LYN: variants seen among roughly 807,000 people sequenced by gnomAD.
LYN encodes the protein LYN proto-oncogene, Src family tyrosine kinase.
In LYN, 12 loss-of-function variants were observed where a neutral mutation model predicts 65.0. That is an observed-to-expected ratio of 0.18 (90% CI 0.12 to 0.30). LYN has a LOEUF of 0.30. LYN is among the 10% of genes least tolerant of loss of function. The pLI, the probability that LYN is intolerant of heterozygous loss-of-function variation, is 1.00. For synonymous variants in LYN, 222 were observed against 221.2 expected (o/e 1.00, Z -0.03); for missense variants, 380 against 623.2 (o/e 0.61, Z 4.16).
intron 8 of LYN, among the ~76,000 whole-genome samples, chr8:55,955,592 A>G (rs554756930): frequency 7.2e-5 from 11 of 152,300 alleles, no homozygotes; most frequent in African/African-American, 2.4e-4. Context: ...TAGTACATTC[A>G]CAATATTGTG....
intron 1 of LYN, among the ~76,000 whole-genome samples, chr8:55,909,820 G>A (rs1316348936): frequency 6.6e-6 from 1 of 152,122 alleles, no homozygotes; most frequent in Non-Finnish European, 1.5e-5. Context: ...GTAAGATGAA[G>A]TCTCATTGTG....
chr8:55,936,110 T>C (rs1806428035), intron 1 of LYN, among the ~76,000 whole-genome samples: 1 of 152,220 alleles, frequency 6.6e-6, no homozygotes, highest in South Asian at 2.1e-4. Flanking sequence ...GATACTGGAA[T>C]GCAAGTGTGT....
chr8:55,904,951 T>G (rs1805378207), intron 1 of LYN, among the ~76,000 whole-genome samples: 1 of 152,112 alleles, frequency 6.6e-6, no homozygotes. Flanking sequence ...GGGGAGCATT[T>G]AAACCTCCCC....
At position 55,937,663 on chromosome 8, in the gene LYN, C is replaced by T. The variant is rs1181131951; in HGVS notation, c.-5-4192C>T. 3.3e-5 allele frequency among the ~76,000 whole-genome samples: 5 copies of T among 152,270 alleles called. No individual in the cohort carries two copies. In the East Asian group the frequency reaches 9.7e-4, roughly 29 times the overall value. On this transcript the variant is annotated intron_variant, in intron 1 of 12. Coordinates refer to ENST00000519728, the MANE Select transcript of LYN (RefSeq NM_002350.4). ...TGCTAGATTTTATGAAACCAAAACC[C>T]TACTGCCTCTGGTAAGAGTGAGTTT...
Position 55,906,290 on chromosome 8 carries a change from A to G in LYN, c.-6+26187A>G, listed in dbSNP as rs144292199. Among the ~76,000 whole-genome samples the G allele has an allele frequency of 2.6e-3, 394 of 152,266 alleles. 1 individual carries two copies. Among genetic ancestry groups the G allele is most frequent in the African/African-American group, 9.1e-3 (376 of 41,540 alleles). On this transcript the variant is annotated intron_variant, in intron 1 of 12. Coordinates refer to ENST00000519728, the MANE Select transcript of LYN (RefSeq NM_002350.4). ...ATGCCTGTAATACCAGTACTTTGGGAGGCTGAGGTGGGAGGATTGCTTGAG... is the reference window on the plus strand; with the variant it reads ...ATGCCTGTAATACCAGTACTTTGGGGGGCTGAGGTGGGAGGATTGCTTGAG...
At position 55,941,944 on chromosome 8, in the gene LYN, A is replaced by T; in HGVS notation, c.85A>T (p.Arg29Ter). The change falls in exon 2 of 13, where the codon AGA (arginine) becomes TGA (stop). Residue 29 changes from arginine to a stop codon, truncating the protein, a stop_gained. Coordinates refer to ENST00000519728, the MANE Select transcript of LYN (RefSeq NM_002350.4). LOFTEE classifies it high-confidence loss of function. The stretch of plus-strand genomic sequence containing the variant: ...GACTCAACCAGTACGTAATACTGAA[A>T]GAACTATTTATGTGAGAGATCCAAC... ...LKTQPVRNTE[R>*]TIYVRDPTSN... 6.2e-7 allele frequency: 1 copy of T among 1,613,530 alleles called. No homozygotes were observed. Among genetic ancestry groups the T allele is most frequent in the Non-Finnish European group, 8.5e-7 (1 of 1,179,624 alleles).
At chr8:55,919,422 T>G (rs1409680596) in intron 1 of LYN, among the ~76,000 whole-genome samples, 1 of 152,096 alleles carries the variant, frequency 6.6e-6, no homozygotes, top group Non-Finnish European at 1.5e-5. Context: ...TTCATAGAAA[T>G]AATGGAATAG....
At chr8:55,967,930 C>T (rs914149219) in intron 9 of LYN, among the ~76,000 whole-genome samples, 1 of 152,192 alleles carries the variant, frequency 6.6e-6, no homozygotes, top group Non-Finnish European at 1.5e-5. Context: ...CCAGGATTAA[C>T]AATCATCTCA....
intron 10 of LYN, among the ~76,000 whole-genome samples, chr8:55,976,994 G>C (rs558210896): frequency 6.6e-6 from 1 of 152,196 alleles, no homozygotes; most frequent in East Asian, 1.9e-4. Flanking sequence ...AGACCAGCCT[G>C]GCCAACATGG....
At position 55,901,219 on chromosome 8, in the gene LYN, C is replaced by T. The variant is rs545322344; in HGVS notation, c.-6+21116C>T. Among the ~76,000 whole-genome samples, 25 of 152,124 alleles carry T rather than the reference C, an allele frequency of 1.6e-4. 1 individual carries two copies. The Middle Eastern group carries it at 0.01, about 62-fold the overall frequency. On this transcript the variant is annotated intron_variant, in intron 1 of 12. Coordinates refer to ENST00000519728, the MANE Select transcript of LYN (RefSeq NM_002350.4). ...ATGTTTCCACTTCTGAATAGTTCTC[C>T]GATTAGAATAGCAGTTACAAAATGG... is the stretch of plus-strand genomic sequence containing the variant.
chr8:55,956,960 T>G (rs75338233), intron 8 of LYN, among the ~76,000 whole-genome samples: 9,673 of 152,300 alleles, frequency 0.064, 565 homozygotes, highest in African/African-American at 0.15. Flanking sequence ...ACATTCTCAC[T>G]TACTCATTGC....
intron 1 of LYN, among the ~76,000 whole-genome samples, chr8:55,932,159 G>A (rs1806289193): frequency 6.6e-6 from 1 of 152,054 alleles, no homozygotes; most frequent in South Asian, 2.1e-4. Context: ...AGAAGCAGAA[G>A]ACTTGAATCT....
At chr8:55,901,267 A>G (rs1300669335) in intron 1 of LYN, among the ~76,000 whole-genome samples, 1 of 152,200 alleles carries the variant, frequency 6.6e-6, no homozygotes, top group Non-Finnish European at 1.5e-5. Context: ...CTCGTCCTTT[A>G]AAACAGGAAA....
chr8:55,913,195 T>C lies in LYN; in HGVS notation c.-5-28660T>C, dbSNP rs978622252. 5.5e-4 allele frequency among the ~76,000 whole-genome samples: 84 copies of C among 152,344 alleles called. 1 individual carries two copies. Among genetic ancestry groups the C allele is most frequent in the African/African-American group, 2.0e-3 (82 of 41,576 alleles). On this transcript the variant is annotated intron_variant, in intron 1 of 12. Coordinates refer to ENST00000519728, the MANE Select transcript of LYN (RefSeq NM_002350.4). ...CCCTGGGCCCCTCTGTTAAAATCTT[T>C]TAGCAAAAAGATTTTACCAAATAAT... is the stretch of plus-strand genomic sequence containing the variant.
At chr8:55,886,303 C>T (rs7004881) in intron 1 of LYN, among the ~76,000 whole-genome samples, 58,740 of 148,072 alleles carry the variant, frequency 0.4, 11,897 homozygotes, top group East Asian at 0.66. Flanking sequence ...TACAATGGTG[C>T]AATCTCCACT....
chr8:55,971,138 C>T (rs1807597922), intron 10 of LYN, among the ~76,000 whole-genome samples: 1 of 152,176 alleles, frequency 6.6e-6, no homozygotes, highest in African/African-American at 2.4e-5. Context: ...CAAGTGTGCC[C>T]TGAAATGCCA....
At chr8:55,952,200 C>T in intron 7 of LYN, 85 bp downstream of exon 7, 1 of 1,068,472 alleles carries the variant, frequency 9.4e-7, no homozygotes, top group Non-Finnish European at 1.3e-6. Context: ...TATATTAAAA[C>T]TTTTTATGCA....
At chr8:55,947,155 A>T (rs1231201573) in intron 3 of LYN, among the ~76,000 whole-genome samples, 1 of 152,230 alleles carries the variant, frequency 6.6e-6, no homozygotes, top group Non-Finnish European at 1.5e-5. Context: ...AGGCTGAGGC[A>T]GGAGAATAGC....
chr8:55,958,950 T>G (rs748006077), intron 8 of LYN, among the ~76,000 whole-genome samples: 29 of 152,250 alleles, frequency 1.9e-4, no homozygotes, highest in Non-Finnish European at 4.0e-4. Context: ...AGACCTTATT[T>G]TCCATTCCTT....
Sources: gnomAD v4.1 joint callset for allele counts (sites outside exome capture counted in the v4.1 genomes callset) on GRCh38, gnomAD v4.1.1 for gene constraint, MANE v1.5 for transcripts, NCBI Gene and HGNC (gene_info 2026-07-23, HGNC 2026-07-21) for gene names.